Variants in GPR135 observed in about 807,000 individuals in gnomAD.
GPR135 encodes G protein-coupled receptor 135.
A neutral mutation model predicts 15.0 loss-of-function variants in GPR135; 17 were observed. The observed-to-expected ratio is 1.13, with a 90% CI of 0.78 to 1.70. The LOEUF (loss-of-function observed/expected upper bound fraction) is 1.70, where lower values mean the gene tolerates loss of function less well. Ranked by LOEUF, GPR135 falls within the 40% of genes most tolerant of loss-of-function variation. GPR135 has a pLI of 0.00. For synonymous variants in GPR135, 368 were observed against 349.4 expected, an observed-to-expected ratio of 1.05 and a Z score of -0.59; for missense variants, 776 against 727.0, an observed-to-expected ratio of 1.07 and a Z score of -0.78.
chr14:59,456,086 T>G (rs758661331), downstream of GPR135, among the ~76,000 whole-genome samples: 1 of 152,156 alleles, frequency 6.6e-6, no homozygotes, highest in African/African-American at 2.4e-5. Flanking sequence ...GACCTGGAAG[T>G]GCAAGTCATC....
rs1888901262 is a variant in GPR135 at position 59,462,481 on chromosome 14, T to C, written c.*1261A>G. ...GTTTGCTTGAAGTTCTTCTCCAACT[T>C]TATGCCTGTGTTTTAATACCGTTAC... On this transcript the variant is annotated 3_prime_UTR_variant, in exon 1 of 1. Coordinates refer to ENST00000395116, the MANE Select transcript of GPR135 (RefSeq NM_022571.6). 1 of 152,230 alleles carries C rather than the reference T, an allele frequency of 6.6e-6. No homozygotes were observed. Among genetic ancestry groups the C allele is most frequent in the South Asian group, 2.1e-4 (1 of 4,824 alleles). The allele number at this position is 152,230 out of a possible 1,614,324, so 9.4% of individuals were successfully genotyped here.
Position 59,464,069 on chromosome 14 carries a change from G to C in GPR135, c.1158C>G (p.Ile386Met). 6.2e-7 allele frequency: 1 copy of C among 1,613,302 alleles called. No homozygotes were observed. The highest frequency in any genetic ancestry group is 8.5e-7 in the Non-Finnish European group (1 of 1,180,020). Residue 386 changes from isoleucine (I) to methionine (M), a missense_variant, in exon 1 of 1, where the codon ATC (isoleucine) becomes ATG (methionine). Ile to Met is a conservative substitution (Grantham distance 10, BLOSUM62 1). Coordinates refer to ENST00000395116, the MANE Select transcript of GPR135 (RefSeq NM_022571.6). ...TWANGAINPV[I>M]YAIRNPNISM... ...AAATGTTGGGATTGCGGATGGCGTAGATGACAGGGTTGATGGCCCCATTGG... is the reference window on the plus strand; with the variant it reads ...AAATGTTGGGATTGCGGATGGCGTACATGACAGGGTTGATGGCCCCATTGG...
chr14:59,454,835 C>T (rs1888601097), intron 6 of GPR135, among the ~76,000 whole-genome samples: 1 of 152,104 alleles, frequency 6.6e-6, no homozygotes, highest in South Asian at 2.1e-4. Context: ...GGTGCGGTGG[C>T]TCACACCTGT....
Position 59,463,797 on chromosome 14 carries a change from G to A in GPR135, c.1430C>T (p.Pro477Leu). 1 of 1,613,864 alleles carries A rather than the reference G, an allele frequency of 6.2e-7. No homozygotes were observed. The highest frequency in any genetic ancestry group is 8.5e-7 in the Non-Finnish European group (1 of 1,179,834). The change falls in exon 1 of 1, where the codon CCG becomes CTG. Residue 477 changes from proline (P) to leucine (L), a missense_variant. Transcript: ENST00000395116. ...VLFCREGPPE[P>L]VTAVTKQPKS... is the part of the protein sequence containing the mutation. ...AGGCTGTTTGGTCACTGCCGTCACCGGCTCTGGTGGTCCCTCTCGGCAGAA... is the reference window on the plus strand; with the variant it reads ...AGGCTGTTTGGTCACTGCCGTCACCAGCTCTGGTGGTCCCTCTCGGCAGAA...
At chr14:59,454,830 G>A (rs769224470) in intron 6 of GPR135, among the ~76,000 whole-genome samples, 3 of 152,106 alleles carry the variant, frequency 2.0e-5, no homozygotes, top group Non-Finnish European at 4.4e-5. Context: ...GGCCGGGTGC[G>A]GTGGCTCACA....
In GPR135 at chr14:59,465,154, A is replaced by G; in HGVS notation, c.73T>C (p.Ser25Pro). 7.4e-7 allele frequency: 1 copy of G among 1,342,572 alleles called. No individual in the cohort carries two copies. The allele number at this position is 1,342,572 out of a possible 1,614,324, so 83.2% of individuals were successfully genotyped here. ...GTCCCGCCAGGTGGGCCGGCCGCGG[A>G]GGGGGCGCCGGAGTGCTGGCTGCCC... is the stretch of plus-strand genomic sequence containing the variant. ...LLGSQHSGAPSAAGPPGGTSS... is the reference protein window; with the variant it reads ...LLGSQHSGAPPAAGPPGGTSS... The change falls in exon 1 of 1, where the codon TCC (serine) becomes CCC (proline). Residue 25 changes from serine to proline, a missense_variant. Ser to Pro is a moderately conservative substitution (Grantham distance 74). Coordinates refer to ENST00000395116, the MANE Select transcript of GPR135 (RefSeq NM_022571.6).
chr14:59,456,272 A>C (rs781190359), downstream of GPR135, among the ~76,000 whole-genome samples: 4 of 152,218 alleles, frequency 2.6e-5, no homozygotes, highest in African/African-American at 4.8e-5. Context: ...GCTCACACTT[A>C]AGGGGAAAGA....
rs754982867 is a variant in GPR135 at position 59,463,333 on chromosome 14, C to T, written c.*409G>A. ...AAGCTAAAGTTTTGTTGGATGGTAG[C>T]GATTTAGAGGGGCTTTCAAGCAGCT... On this transcript the variant is annotated 3_prime_UTR_variant, in exon 1 of 1. Coordinates refer to ENST00000395116, the MANE Select transcript of GPR135 (RefSeq NM_022571.6). 98 of 167,810 alleles carry T rather than the reference C, an allele frequency of 5.8e-4. No homozygotes were observed. The highest frequency in any genetic ancestry group is 8.6e-4 in the African/African-American group (36 of 41,724). 10.4% of individuals were successfully genotyped at this position (167,810 alleles called of 1,614,324 possible). A position where few individuals can be genotyped will look rare whatever the true frequency, so the allele number is the denominator to read the frequency against.
In GPR135 at chr14:59,462,971, AGAG is replaced by A. The variant is rs1888923477; in HGVS notation, c.*768_*770del. On this transcript the variant is annotated 3_prime_UTR_variant, in exon 1 of 1. Transcript: ENST00000395116. ...TTATCAGAAATAAAAGTAACAGGTTAGAGTAAGGATAAAACTTCAAAGTTTTCC... is the reference window on the plus strand; with the variant it reads ...TTATCAGAAATAAAAGTAACAGGTTATAAGGATAAAACTTCAAAGTTTTCC... 1 of 152,230 alleles carries A rather than the reference AGAG, an allele frequency of 6.6e-6. No individual in the cohort carries two copies. The highest frequency in any genetic ancestry group is 2.4e-5 in the African/African-American group (1 of 41,464). 9.4% of individuals were successfully genotyped at this position (152,230 alleles called of 1,614,324 possible). A position where few individuals can be genotyped will look rare whatever the true frequency, so the allele number is the denominator to read the frequency against.
rs762325324 is a variant in GPR135, at chr14:59,464,681, G to T, written c.546C>A (p.Gly182=). 2 of 1,583,202 alleles carry T rather than the reference G, an allele frequency of 1.3e-6. No homozygotes were observed. The highest frequency in any genetic ancestry group is 2.3e-5 in the South Asian group (2 of 88,760). ...TGAAGAAGCGGCTGGCGGCGCAGAAGCCGCGCCAGGGCCCCGCGGCGGCGG... is the reference window on the plus strand; with the variant it reads ...TGAAGAAGCGGCTGGCGGCGCAGAATCCGCGCCAGGGCCCCGCGGCGGCGG... ...APAAAAGPWR[G]FCAASRFFSS... is the part of the protein sequence containing the mutation. The change falls in exon 1 of 1, where the codon GGC becomes GGA. Residue 182 remains glycine, a synonymous_variant. Transcript: ENST00000395116.
chr14:59,464,205 A>G lies in GPR135; in HGVS notation c.1022T>C (p.Ile341Thr). 6.2e-7 allele frequency: 1 copy of G among 1,610,910 alleles called. No individual in the cohort carries two copies. The highest frequency in any genetic ancestry group is 1.3e-5 in the African/African-American group (1 of 75,056). The change falls in exon 1 of 1, where the codon ATC (isoleucine) becomes ACC (threonine). Residue 341 changes from isoleucine (I) to threonine (T), a missense_variant. Coordinates refer to ENST00000395116, the MANE Select transcript of GPR135 (RefSeq NM_022571.6). ...GAAGCAGTAGGGCCCCCAGCAGCAG[A>G]TGACGAAGACGATCATGATGAGGAC... ...TTVLIMIVFV[I>T]CCWGPYCFLV...
rs1888851962 is a variant in GPR135, at chr14:59,461,385, A to G, written c.*2357T>C. The G allele has an allele frequency of 6.6e-6, 1 of 152,156 alleles. No individual in the cohort carries two copies. Among genetic ancestry groups the G allele is most frequent in the Non-Finnish European group, 1.5e-5 (1 of 68,024 alleles). The allele number at this position is 152,156 out of a possible 1,614,324, so 9.4% of individuals were successfully genotyped here. ...GATAGCCTTGGATTAAAAACAAACA[A>G]TTTAGAGCATTGTAAATTGTTCAGT... On this transcript the variant is annotated 3_prime_UTR_variant, in exon 1 of 1. Coordinates refer to ENST00000395116, the MANE Select transcript of GPR135 (RefSeq NM_022571.6).
chr14:59,458,218 C>G (rs1489475092), downstream of GPR135, among the ~76,000 whole-genome samples: 3 of 152,170 alleles, frequency 2.0e-5, no homozygotes, highest in Admixed American at 2.0e-4. Context: ...CTGATCACTT[C>G]TAGATGTTAG....
At chr14:59,455,954 G>A (rs1046134327), downstream of GPR135, among the ~76,000 whole-genome samples, 3 of 152,198 alleles carry the variant, frequency 2.0e-5, no homozygotes, top group African/African-American at 7.2e-5. Context: ...ATGTGATATA[G>A]TTCTGGCAAT....
At position 59,464,606 on chromosome 14, in the gene GPR135, C is replaced by G; in HGVS notation, c.621G>C (p.Leu207Phe). The G allele has an allele frequency of 1.3e-6, 2 of 1,596,434 alleles. No homozygotes were observed. Among genetic ancestry groups the G allele is most frequent in the Non-Finnish European group, 1.7e-6 (2 of 1,178,040 alleles). The change falls in exon 1 of 1, where the codon TTG becomes TTC. Residue 207 changes from leucine (L) to phenylalanine (F), a missense_variant. Physicochemically the swap from Leu to Phe is conservative, Grantham distance 22. Transcript: ENST00000395116. ...GCCGCACGATAGCGCAGTAACGGTC[C>G]AACGAGATGAGCGCCACGCTGAGCG... The part of the protein sequence containing the change: ...VSTLSVALIS[L>F]DRYCAIVRPP...
At position 59,464,076 on chromosome 14, in the gene GPR135, G is replaced by A. The variant is rs767952221; in HGVS notation, c.1151C>T (p.Pro384Leu). The change falls in exon 1 of 1, where the codon CCT (proline) becomes CTT (leucine). Residue 384 changes from proline to leucine, a missense_variant. By Grantham distance (98) the Pro-to-Leu change is moderately conservative. Transcript: ENST00000395116. The part of the protein sequence containing the change: ...WLTWANGAIN[P>L]VIYAIRNPNI... The stretch of plus-strand genomic sequence containing the variant: ...GGGATTGCGGATGGCGTAGATGACA[G>A]GGTTGATGGCCCCATTGGCCCAGGT... 1.9e-6 allele frequency: 3 copies of A among 1,612,984 alleles called. No individual in the cohort carries two copies. Among genetic ancestry groups the A allele is most frequent in the African/African-American group, 2.7e-5 (2 of 74,958 alleles).
chr14:59,457,903 C>T (rs901183643), downstream of GPR135, among the ~76,000 whole-genome samples: 1 of 151,974 alleles, frequency 6.6e-6, no homozygotes, highest in Non-Finnish European at 1.5e-5. Flanking sequence ...ATATTTATTG[C>T]TCTTGTTGTT....
chr14:59,454,591 C>T (rs1317344811), intron 6 of GPR135, among the ~76,000 whole-genome samples: 1 of 152,126 alleles, frequency 6.6e-6, no homozygotes, highest in Admixed American at 6.5e-5. Context: ...TCCTTGTACG[C>T]ACAGGACTTC....
In GPR135 at chr14:59,464,923, C is replaced by A. The variant is rs1889074292; in HGVS notation, c.304G>T (p.Ala102Ser). ...AGGACGAGCGCCTGGGCCGCCACTG[C>A]AGCTCCGTGCGACAGCAGCGGCGCC... Reference protein sequence around the residue: ...EAAPLLSHGAAVAAQALVLLL... With the variant: ...EAAPLLSHGASVAAQALVLLL... Residue 102 changes from alanine to serine, a missense_variant, in exon 1 of 1, where the codon GCA becomes TCA. Transcript: ENST00000395116. 3 of 1,588,168 alleles carry A rather than the reference C, an allele frequency of 1.9e-6. No individual in the cohort carries two copies. Among genetic ancestry groups the A allele is most frequent in the Non-Finnish European group, 2.6e-6 (3 of 1,169,912 alleles).
Sources: allele counts gnomAD v4.1 joint callset (sites outside exome capture counted in the v4.1 genomes callset), GRCh38; gene constraint gnomAD v4.1.1; transcripts MANE v1.5; gene names NCBI Gene and HGNC (gene_info 2026-07-23, HGNC 2026-07-21).